Variants in DCP1A observed in about 807,000 individuals in gnomAD.
DCP1A encodes the protein mRNA-decapping enzyme 1A.
In DCP1A, 20 loss-of-function variants were observed where a neutral mutation model predicts 58.0. The observed-to-expected ratio is 0.34, with a 90% CI of 0.24 to 0.50. The LOEUF (loss-of-function observed/expected upper bound fraction) is 0.50. Ranked by LOEUF, DCP1A falls within the 20% of genes least tolerant of loss-of-function variation. The pLI, the probability that DCP1A is intolerant of heterozygous loss-of-function variation, is 0.98. For missense variants in DCP1A, 613 were observed against 712.2 expected (o/e 0.86, Z 1.59); for synonymous variants, 285 against 275.1 (o/e 1.04, Z -0.36).
chr3:53,315,106 T>C (rs956105833), intron 4 of DCP1A, among the ~76,000 whole-genome samples: 1 of 152,346 alleles, frequency 6.6e-6, no homozygotes, highest in Admixed American at 6.5e-5. Flanking sequence ...ATAGCACTCA[T>C]GCCATTCTCC....
chr3:53,339,520 A>T (rs1397915516), intron 3 of DCP1A, among the ~76,000 whole-genome samples: 1 of 152,222 alleles, frequency 6.6e-6, no homozygotes, highest in Non-Finnish European at 1.5e-5. Context: ...ACCCCAGGTT[A>T]TTCTCTGGAT....
intron 9 of DCP1A, 50 bp downstream of exon 9, chr3:53,288,015 T>C: frequency 6.6e-7 from 1 of 1,509,254 alleles, no homozygotes; most frequent in Non-Finnish European, 9.1e-7. Flanking sequence ...TTATAAAATT[T>C]CTTTCATTAA....
intron 3 of DCP1A, among the ~76,000 whole-genome samples, chr3:53,330,825 ATTT>A (rs71087077): frequency 1.2e-4 from 14 of 121,624 alleles, no homozygotes; most frequent in East Asian, 1.1e-3. Flanking sequence ...ATATATATAT[ATTT>A]TTTTTTTTTT....
intron 5 of DCP1A, among the ~76,000 whole-genome samples, chr3:53,307,235 C>T (rs1251054614): frequency 6.6e-6 from 1 of 152,060 alleles, no homozygotes; most frequent in East Asian, 1.9e-4. Context: ...AGGCGTGAGC[C>T]ACCACACCCG....
At chr3:53,337,672 G>T (rs1553692087) in intron 3 of DCP1A, among the ~76,000 whole-genome samples, 2 of 152,182 alleles carry the variant, frequency 1.3e-5, no homozygotes, top group African/African-American at 4.8e-5. Context: ...GAAATCATTT[G>T]TAAGTTTCAA....
Position 53,304,290 on chromosome 3 carries a change from T to C in DCP1A, c.511A>G (p.Asn171Asp), listed in dbSNP as rs1434460474. The C allele has an allele frequency of 6.2e-7, 1 of 1,605,726 alleles. No individual in the cohort carries two copies. Among genetic ancestry groups the C allele is most frequent in the African/African-American group, 1.3e-5 (1 of 74,350 alleles). The change falls in exon 6 of 10, where the codon AAT (asparagine) becomes GAT (aspartate). Residue 171 changes from asparagine (N) to aspartate (D), a missense_variant and splice_region_variant. Physicochemically the swap from Asn to Asp is conservative, Grantham distance 23. Around this residue, in one of 3 missense-constraint regions of DCP1A, gnomAD observed 498 missense variants for 556.7 expected, o/e 0.89. Transcript: ENST00000610213. The part of the protein sequence containing the change: ...LSRAKDEYER[N>D]QMGDSNISSP... ...GAGATATTTGAGTCACCCATCTGAT[T>C]CTTTAAAAAGTTAAAAGAAAAAAAT...
At chr3:53,325,543 A>G (rs1388809905) in intron 3 of DCP1A, among the ~76,000 whole-genome samples, 2 of 152,244 alleles carry the variant, frequency 1.3e-5, no homozygotes, top group Admixed American at 1.3e-4. Flanking sequence ...ACTGACAAAG[A>G]TCTCTTACAC....
At chr3:53,333,746 A>G (rs1294056822) in intron 3 of DCP1A, among the ~76,000 whole-genome samples, 7 of 152,212 alleles carry the variant, frequency 4.6e-5, no homozygotes, top group African/African-American at 1.7e-4. Context: ...TCTGACATAT[A>G]CTAAGTATAT....
chr3:53,312,203 C>T, intron 5 of DCP1A, 38 bp downstream of exon 5: 1 of 1,525,048 alleles, frequency 6.6e-7, no homozygotes, highest in Admixed American at 2.2e-5. Context: ...CCGTTTTGGT[C>T]TTCCCTGGTC....
chr3:53,312,115 C>A, intron 5 of DCP1A, 126 bp downstream of exon 5: 1 of 1,021,024 alleles, frequency 9.8e-7, no homozygotes, highest in South Asian at 1.7e-5. Context: ...CTAACACGCT[C>A]TCTTTTTGAA....
chr3:53,322,794 ATGTT>A (rs1245339925), intron 3 of DCP1A, among the ~76,000 whole-genome samples: 2 of 147,902 alleles, frequency 1.4e-5, no homozygotes, highest in African/African-American at 5.0e-5. Flanking sequence ...AGAGTTTCCC[ATGTT>A]TGTTTGTTTG....
At chr3:53,307,413 A>G (rs1265635709) in intron 5 of DCP1A, among the ~76,000 whole-genome samples, 3 of 152,136 alleles carry the variant, frequency 2.0e-5, no homozygotes, top group Admixed American at 2.0e-4. Flanking sequence ...CTGGGCTGTA[A>G]ATGACCCTTT....
intron 4 of DCP1A, among the ~76,000 whole-genome samples, chr3:53,313,463 A>G (rs1309000185): frequency 1.3e-5 from 2 of 151,998 alleles, no homozygotes; most frequent in Non-Finnish European, 2.9e-5. Flanking sequence ...GTTTTTAAGA[A>G]CACCCCCTTC....
At chr3:53,327,994 G>A (rs1708159161) in intron 3 of DCP1A, among the ~76,000 whole-genome samples, 2 of 152,040 alleles carry the variant, frequency 1.3e-5, no homozygotes, top group Admixed American at 1.3e-4. Flanking sequence ...ATGGTGGCGT[G>A]TGCCTGTAAT....
chr3:53,298,037 T>C lies in DCP1A; in HGVS notation c.625-5210A>G, dbSNP rs529472658. 3.9e-5 allele frequency among the ~76,000 whole-genome samples: 6 copies of C among 152,278 alleles called. No homozygotes were observed. The South Asian group carries it at 1.0e-3, about 26-fold the overall frequency. ...GTTTAAGATCAGCCTGGTCAACATA[T>C]TGAGACCCTGCCTCTACAAAAAATT... On this transcript the variant is annotated intron_variant, in intron 6 of 9. Coordinates refer to ENST00000610213, the MANE Select transcript of DCP1A (RefSeq NM_018403.7).
chr3:53,296,989 T>C (rs564817256), intron 6 of DCP1A, among the ~76,000 whole-genome samples: 7 of 152,332 alleles, frequency 4.6e-5, no homozygotes, highest in African/African-American at 1.7e-4. Flanking sequence ...CCTGAACCAT[T>C]TTACATTATC....
chr3:53,315,760 T>TG (rs1707790231), intron 4 of DCP1A, among the ~76,000 whole-genome samples: 1 of 132,798 alleles, frequency 7.5e-6, no homozygotes, highest in Non-Finnish European at 1.6e-5. Context: ...TTTTTTTGTT[T>TG]TTTTTTTTTT....
chr3:53,312,212 T>A (rs781809073), intron 5 of DCP1A, 29 bp downstream of exon 5: 4 of 1,551,584 alleles, frequency 2.6e-6, no homozygotes, highest in Admixed American at 4.0e-5. Flanking sequence ...TCTTCCCTGG[T>A]CAGCACCCAA....
chr3:53,340,804 G>C (rs1483611585), intron 3 of DCP1A, among the ~76,000 whole-genome samples: 1 of 152,090 alleles, frequency 6.6e-6, no homozygotes, highest in African/African-American at 2.4e-5. Context: ...GTAGTTTCTT[G>C]GAAGGGCCAC....
Sources: gnomAD v4.1 joint callset for allele counts (sites outside exome capture counted in the v4.1 genomes callset) on GRCh38, gnomAD v4.1.1 for gene constraint, gnomAD v4.1.1 regional missense constraint, MANE v1.5 for transcripts, NCBI Gene and HGNC (gene_info 2026-07-23, HGNC 2026-07-21) for gene names.